SMARCC1: variants seen among roughly 807,000 people sequenced by gnomAD.
SMARCC1 encodes the protein SWI/SNF related BAF chromatin remodeling complex subunit C1, also known as SWI/SNF complex subunit SMARCC1.
In SMARCC1, 43 loss-of-function variants were observed where a neutral mutation model predicts 147.4. The ratio of observed to expected loss-of-function variants is 0.29; its 90% CI spans 0.23 to 0.38. The LOEUF (loss-of-function observed/expected upper bound fraction) is 0.38, where lower values mean the gene tolerates loss of function less well. Among genes scored for constraint, SMARCC1 ranks in the 10% least tolerant of loss-of-function variants. The pLI, the probability that SMARCC1 is intolerant of heterozygous loss-of-function variation, is 1.00. For missense variants in SMARCC1, 1,119 were observed against 1,381.1 expected (o/e 0.81, Z 3.01); for synonymous variants, 495 against 484.4 (o/e 1.02, Z -0.29).
In SMARCC1 at chr3:47,738,075, T is replaced by A; in HGVS notation, c.437A>T (p.Asp146Val). Residue 146 changes from aspartate (D) to valine (V), a missense_variant, in exon 4 of 28, where the codon GAT (aspartate) becomes GTT (valine). Around this residue, in one of 6 missense-constraint regions of SMARCC1, gnomAD observed 542 missense variants for 611.8 expected, o/e 0.89. Coordinates refer to ENST00000254480, the MANE Select transcript of SMARCC1 (RefSeq NM_003074.4). ...GTTCATAAACATTTCCACATTACGA[T>A]CCATTCGAGATGGGTTCTGTAGGTC... is the stretch of plus-strand genomic sequence containing the variant. Reference protein sequence around the residue: ...RFDLQNPSRMDRNVEMFMNIE... With the variant: ...RFDLQNPSRMVRNVEMFMNIE... 1 of 1,598,666 alleles carries A rather than the reference T, an allele frequency of 6.3e-7. No individual in the cohort carries two copies. Among genetic ancestry groups the A allele is most frequent in the Non-Finnish European group, 8.5e-7 (1 of 1,173,322 alleles).
intron 2 of SMARCC1, among the ~76,000 whole-genome samples, chr3:47,756,830 T>C (rs560289082): frequency 1.8e-4 from 28 of 152,304 alleles, no homozygotes; most frequent in Admixed American, 1.8e-3. Flanking sequence ...CGTTTCCTGC[T>C]GTATATGACA....
At position 47,727,231 on chromosome 3, in the gene SMARCC1, G is replaced by A. The variant is rs535113513; in HGVS notation, c.646+1794C>T. On this transcript the variant is annotated intron_variant, in intron 6 of 27. Coordinates refer to ENST00000254480, the MANE Select transcript of SMARCC1 (RefSeq NM_003074.4). ...CCACCTTAAAACAAAAAAACTGGCC[G>A]GGCACGGTGGCTAACGCCTATAATC... Among the ~76,000 whole-genome samples the A allele has an allele frequency of 4.0e-5, 6 of 149,786 alleles. No individual in the cohort carries two copies. In the East Asian group the frequency reaches 8.0e-4, roughly 20 times the overall value.
At chr3:47,591,475 G>T (rs1293017621) in intron 26 of SMARCC1, among the ~76,000 whole-genome samples, 1 of 150,104 alleles carries the variant, frequency 6.7e-6, no homozygotes, top group Non-Finnish European at 1.5e-5. Flanking sequence ...GACTCATAAG[G>T]GAAAACAAAG....
At chr3:47,710,647 A>G in intron 9 of SMARCC1, 36 bp downstream of exon 9, 3 of 1,604,352 alleles carry the variant, frequency 1.9e-6, no homozygotes, top group Non-Finnish European at 2.6e-6. Flanking sequence ...CCAAGAAGAC[A>G]GACTTAATGA....
chr3:47,664,009 A>G, intron 19 of SMARCC1: 1 of 800,294 alleles, frequency 1.2e-6, no homozygotes, highest in Non-Finnish European at 2.0e-6. Flanking sequence ...CTACCATGGG[A>G]CTTACTCCCT....
chr3:47,594,261 GA>G (rs2106642371), intron 26 of SMARCC1, among the ~76,000 whole-genome samples: 1 of 152,224 alleles, frequency 6.6e-6, no homozygotes, highest in Admixed American at 6.5e-5. Flanking sequence ...ACATAATAGA[GA>G]ATTTTGGGCC....
intron 24 of SMARCC1, 31 bp downstream of exon 24, chr3:47,635,159 G>A (rs1309666131): frequency 1.2e-6 from 2 of 1,601,288 alleles, no homozygotes; most frequent in Non-Finnish European, 1.7e-6. Flanking sequence ...TGCCTTAAGA[G>A]AGCACTGGAA....
intron 5 of SMARCC1, among the ~76,000 whole-genome samples, chr3:47,729,325 T>C (rs965591438): frequency 6.6e-6 from 1 of 152,214 alleles, no homozygotes; most frequent in Non-Finnish European, 1.5e-5. Context: ...GAGCACCTAT[T>C]AGCTAGTTCT....
rs779985043 is a variant in SMARCC1 at position 47,714,508 on chromosome 3, T to C, written c.717-18A>G. 5.4e-6 allele frequency: 7 copies of C among 1,300,452 alleles called. No homozygotes were observed. Among genetic ancestry groups the C allele is most frequent in the Non-Finnish European group, 7.6e-6 (7 of 922,544 alleles). The allele number at this position is 1,300,452 out of a possible 1,614,324, so 80.6% of individuals were successfully genotyped here. On this transcript the variant is annotated intron_variant, in intron 7 of 27. Coordinates refer to ENST00000254480, the MANE Select transcript of SMARCC1 (RefSeq NM_003074.4). ...TATCATAGCTATAAAGGAATCAAAATGAGAAAAACAAATTAGAGTCAAAGG... is the reference window on the plus strand; with the variant it reads ...TATCATAGCTATAAAGGAATCAAAACGAGAAAAACAAATTAGAGTCAAAGG...
Position 47,586,287 on chromosome 3 carries a change from C to G in SMARCC1, c.*1922G>C, listed in dbSNP as rs2032070220. 1 of 152,140 alleles carries G rather than the reference C, an allele frequency of 6.6e-6. No individual in the cohort carries two copies. The highest frequency in any genetic ancestry group is 6.5e-5 in the Admixed American group (1 of 15,274). 9.4% of individuals were successfully genotyped at this position (152,140 alleles called of 1,614,324 possible). On this transcript the variant is annotated 3_prime_UTR_variant, in exon 28 of 28. Transcript: ENST00000254480. ...AGAATTCCATTTTCCTTCTCGGACT[C>G]CAGGGGAAAAAAGAAGTATTTGGAA...
At chr3:47,668,631 G>A (rs1384693946) in intron 19 of SMARCC1, among the ~76,000 whole-genome samples, 1 of 152,078 alleles carries the variant, frequency 6.6e-6, no homozygotes, top group South Asian at 2.1e-4. Flanking sequence ...TCAAGAATAC[G>A]ATAAATATTT....
chr3:47,710,848 A>C (rs2034076124), intron 8 of SMARCC1, 40 bp from the exon 9 acceptor site: 4 of 1,551,932 alleles, frequency 2.6e-6, no homozygotes, highest in Non-Finnish European at 3.5e-6. Context: ...CATAAATAAC[A>C]AAATCACTCA....
chr3:47,749,400 C>T (rs1576430128), intron 2 of SMARCC1, among the ~76,000 whole-genome samples: 1 of 151,954 alleles, frequency 6.6e-6, no homozygotes, highest in African/African-American at 2.4e-5. Flanking sequence ...GTGGCTCACG[C>T]CTATAAAACC....
At chr3:47,680,601 G>A in intron 14 of SMARCC1, 93 bp from the exon 15 acceptor site, 3 of 698,518 alleles carry the variant, frequency 4.3e-6, no homozygotes, top group Non-Finnish European at 2.2e-6. Flanking sequence ...AGGCTGGAGT[G>A]CAGTGGCGGG....
At chr3:47,758,132 G>A (rs1205952150) in intron 2 of SMARCC1, among the ~76,000 whole-genome samples, 6 of 151,958 alleles carry the variant, frequency 3.9e-5, no homozygotes, top group Non-Finnish European at 7.4e-5. Context: ...AACAGCTATC[G>A]AAAAACAACA....
intron 11 of SMARCC1, among the ~76,000 whole-genome samples, chr3:47,697,200 C>T (rs190697588): frequency 4.3e-4 from 66 of 152,172 alleles, no homozygotes; most frequent in Middle Eastern, 3.4e-3. Flanking sequence ...GCACCTGTAT[C>T]CCAGCTGAAA....
At chr3:47,609,850 C>T (rs2032537228) in intron 26 of SMARCC1, among the ~76,000 whole-genome samples, 1 of 152,090 alleles carries the variant, frequency 6.6e-6, no homozygotes. Flanking sequence ...AGAGGCTGAC[C>T]TACTCAACAA....
chr3:47,594,673 G>A (rs2032242189), intron 26 of SMARCC1, among the ~76,000 whole-genome samples: 1 of 152,192 alleles, frequency 6.6e-6, no homozygotes, highest in Non-Finnish European at 1.5e-5. Flanking sequence ...AAATTTGTGA[G>A]TAACTTGGAA....
intron 21 of SMARCC1, among the ~76,000 whole-genome samples, chr3:47,658,275 T>C (rs981065759): frequency 6.6e-6 from 1 of 152,254 alleles, no homozygotes. Flanking sequence ...TTCACCCATT[T>C]ATTGAGATGT....
Sources: allele counts gnomAD v4.1 joint callset (sites outside exome capture counted in the v4.1 genomes callset), GRCh38; gene constraint gnomAD v4.1.1; regional missense constraint gnomAD v4.1.1; transcripts MANE v1.5; gene names NCBI Gene and HGNC (gene_info 2026-07-23, HGNC 2026-07-21).